MALRD1: variants seen among roughly 807,000 people sequenced by gnomAD.
The protein encoded by MALRD1 is MAM and LDL receptor class A domain containing 1.
Under a neutral mutation model 242.1 loss-of-function variants are expected in MALRD1, and 247 were observed. That is an observed-to-expected ratio of 1.02 (90% CI 0.92 to 1.13). The LOEUF (loss-of-function observed/expected upper bound fraction) is 1.13. MALRD1 is among the 50% of genes most tolerant of loss of function. MALRD1 has a pLI of 0.00. For synonymous variants in MALRD1, 995 were observed against 866.6 expected (o/e 1.15, Z -2.60); for missense variants, 2,989 against 2,533.1 (o/e 1.18, Z -3.86).
Position 19,146,361 on chromosome 10 carries a change from T to C in MALRD1, c.1558+17T>C. 5.7e-6 allele frequency: 7 copies of C among 1,228,286 alleles called. No individual in the cohort carries two copies. Among genetic ancestry groups the C allele is most frequent in the Non-Finnish European group, 7.1e-6 (7 of 985,386 alleles). The allele number at this position is 1,228,286 out of a possible 1,614,324, so 76.1% of individuals were successfully genotyped here. ...TAAATCATGGTAGGACATTTTCCTC[T>C]TTAAAAAAAAATAGTTTTCTTTCTT... On this transcript the variant is annotated intron_variant, in intron 11 of 39. Transcript: ENST00000454679.
At chr10:19,548,554 A>C (rs1442029855) in intron 32 of MALRD1, among the ~76,000 whole-genome samples, 1 of 152,116 alleles carries the variant, frequency 6.6e-6, no homozygotes, top group Non-Finnish European at 1.5e-5. Context: ...TAAAATTGTC[A>C]CCGTGCCCGG....
chr10:19,240,964 C>A (rs1452948527), intron 18 of MALRD1, among the ~76,000 whole-genome samples: 1 of 152,018 alleles, frequency 6.6e-6, no homozygotes, highest in Non-Finnish European at 1.5e-5. Flanking sequence ...AGTCAGTTCA[C>A]TTGTATCTTG....
rs528459605 is a variant in MALRD1 at position 19,656,510 on chromosome 10, C to T, written c.6138-35772C>T. Among the ~76,000 whole-genome samples the T allele has an allele frequency of 4.0e-4, 61 of 152,212 alleles. 1 individual carries two copies. Among genetic ancestry groups the T allele is most frequent in the African/African-American group, 1.4e-3 (60 of 41,536 alleles). ...CCAATTACTTCTTGCTGAAGGGCCACCATTCATTCTCAGTATTCCTTTTGC... is the reference window on the plus strand; with the variant it reads ...CCAATTACTTCTTGCTGAAGGGCCATCATTCATTCTCAGTATTCCTTTTGC... On this transcript the variant is annotated intron_variant, in intron 36 of 39. Coordinates refer to ENST00000454679, the MANE Select transcript of MALRD1 (RefSeq NM_001142308.3).
chr10:19,465,599 C>A (rs2131114192), intron 29 of MALRD1, among the ~76,000 whole-genome samples: 1 of 152,270 alleles, frequency 6.6e-6, no homozygotes, highest in East Asian at 1.9e-4. Flanking sequence ...AGCACGATCA[C>A]AGCTCACTGC....
At chr10:19,550,644 C>T (rs1835433307) in intron 32 of MALRD1, among the ~76,000 whole-genome samples, 1 of 152,092 alleles carries the variant, frequency 6.6e-6, no homozygotes, top group African/African-American at 2.4e-5. Context: ...TGGCTTCTAG[C>T]TCCATCCATG....
intron 32 of MALRD1, among the ~76,000 whole-genome samples, chr10:19,563,522 C>T (rs1319060476): frequency 6.6e-6 from 1 of 152,128 alleles, no homozygotes; most frequent in East Asian, 1.9e-4. Context: ...TCATATTGTC[C>T]TCTCACTGAT....
rs1835180825 is a variant in MALRD1, at chr10:19,175,259, G to C, written c.1882G>C (p.Asp628His). The C allele has an allele frequency of 8.1e-7, 1 of 1,230,352 alleles. No individual in the cohort carries two copies. The highest frequency in any genetic ancestry group is 4.2e-5 in the Admixed American group (1 of 23,652). The allele number at this position is 1,230,352 out of a possible 1,614,324, so 76.2% of individuals were successfully genotyped here. The change falls in exon 14 of 40, where the codon GAC (aspartate) becomes CAC (histidine). Residue 628 changes from aspartate to histidine, a missense_variant. Coordinates refer to ENST00000454679, the MANE Select transcript of MALRD1 (RefSeq NM_001142308.3). Reference protein sequence around the residue: ...LSSNATVALDDISVSQECEIS... With the variant: ...LSSNATVALDHISVSQECEIS... ...GTCAAATGCTACCGTTGCTCTAGAT[G>C]ACATCAGTGTGTCCCAGGAATGTGA...
intron 31 of MALRD1, among the ~76,000 whole-genome samples, chr10:19,519,074 A>G (rs1833765219): frequency 6.6e-6 from 1 of 152,122 alleles, no homozygotes; most frequent in Non-Finnish European, 1.5e-5. Flanking sequence ...TGCCCTAGAA[A>G]TATCCTCTTC....
intron 28 of MALRD1, among the ~76,000 whole-genome samples, chr10:19,443,035 G>C (rs1191650028): frequency 1.3e-5 from 2 of 152,082 alleles, no homozygotes; most frequent in African/African-American, 4.8e-5. Context: ...ACTTCTTCCT[G>C]GTTTAGTCTG....
At chr10:19,156,241 A>G (rs1372881258) in intron 12 of MALRD1, among the ~76,000 whole-genome samples, 1 of 152,098 alleles carries the variant, frequency 6.6e-6, no homozygotes, top group Non-Finnish European at 1.5e-5. Context: ...TGAGTTCTTA[A>G]TAATGGTGTC....
rs541559286 is a variant in MALRD1, at chr10:19,450,467, T to A, written c.5006T>A (p.Ile1669Asn). Residue 1669 changes from isoleucine to asparagine, a missense_variant, in exon 29 of 40, where the codon ATT becomes AAT. Physicochemically the swap from Ile to Asn is moderately radical, Grantham distance 149. Transcript: ENST00000454679. ...GGAGGAGGAGCTGCAATTGATGATA[T>A]TGAATTTAAAAACTGCACAACTGGT... ...DLGGGAAIDD[I>N]EFKNCTTVGE... 5.2e-6 allele frequency: 8 copies of A among 1,549,350 alleles called. No homozygotes were observed. The East Asian group carries it at 1.7e-4, about 33-fold the overall frequency.
intron 21 of MALRD1, chr10:19,290,147 A>G (rs558903536): frequency 3.3e-5 from 5 of 152,308 alleles, no homozygotes; most frequent in South Asian, 2.1e-4. Flanking sequence ...TGACATGACT[A>G]CCTGATATTC....
At chr10:19,158,491 T>A (rs943993967) in intron 12 of MALRD1, among the ~76,000 whole-genome samples, 2 of 152,226 alleles carry the variant, frequency 1.3e-5, no homozygotes, top group Non-Finnish European at 2.9e-5. Context: ...GCCTACATAT[T>A]TGAGTCTGCC....
At chr10:19,666,635 T>C (rs900847515) in intron 36 of MALRD1, among the ~76,000 whole-genome samples, 3 of 152,168 alleles carry the variant, frequency 2.0e-5, no homozygotes, top group African/African-American at 7.2e-5. Flanking sequence ...CTGAATCATG[T>C]TTATTGGGAA....
chr10:19,693,515 C>T (rs959025046), intron 38 of MALRD1, among the ~76,000 whole-genome samples: 1 of 152,122 alleles, frequency 6.6e-6, no homozygotes, highest in Non-Finnish European at 1.5e-5. Context: ...ATCCAACTTA[C>T]AAGGGATGTG....
chr10:19,448,076 A>T (rs1182457966), intron 28 of MALRD1, among the ~76,000 whole-genome samples: 1 of 152,196 alleles, frequency 6.6e-6, no homozygotes, highest in Non-Finnish European at 1.5e-5. Flanking sequence ...AAACATCTTC[A>T]TCTACCTCAG....
At chr10:19,567,395 A>G (rs1836302654) in intron 32 of MALRD1, 107 bp from the exon 33 acceptor site, 1 of 919,306 alleles carries the variant, frequency 1.1e-6, no homozygotes, top group Middle Eastern at 2.9e-4. Context: ...TAGTCAATGT[A>G]TTGAGCTGTT....
At chr10:19,649,833 G>A (rs1589359019) in intron 36 of MALRD1, among the ~76,000 whole-genome samples, 1 of 152,018 alleles carries the variant, frequency 6.6e-6, no homozygotes, top group Non-Finnish European at 1.5e-5. Context: ...TGCCTAGCTT[G>A]TCTTCCAGGG....
chr10:19,389,344 A>C (rs1311889998), intron 27 of MALRD1, 108 bp from the exon 28 acceptor site: 7 of 1,189,432 alleles, frequency 5.9e-6, no homozygotes, highest in Non-Finnish European at 7.3e-6. Flanking sequence ...TACTTTTGGC[A>C]GCTCAGATCA....
Sources: allele counts gnomAD v4.1 joint callset (sites outside exome capture counted in the v4.1 genomes callset), GRCh38; gene constraint gnomAD v4.1.1; transcripts MANE v1.5; gene names NCBI Gene and HGNC (gene_info 2026-07-23, HGNC 2026-07-21).